The following RYR2 variants were observed in gnomAD, a reference collection of about 807,000 sequenced individuals.
The protein encoded by RYR2 is ryanodine receptor 2.
RYR2 carries 227 observed loss-of-function variants against 601.1 expected under a neutral mutation model. That is an observed-to-expected ratio of 0.38 (90% confidence interval 0.34 to 0.42). RYR2 has a LOEUF of 0.42. RYR2 is among the 10% of genes least tolerant of loss of function. RYR2 has a pLI of 1.00. For missense variants in RYR2, 4,646 were observed against 6,156.5 expected (o/e 0.75, Z 8.21); for synonymous variants, 2,223 against 2,175.1 (o/e 1.02, Z -0.61).
chr1:237,490,008 G>A (rs1471626206), intron 17 of RYR2, among the ~76,000 whole-genome samples: 2 of 152,158 alleles, frequency 1.3e-5, no homozygotes, highest in Non-Finnish European at 2.9e-5. Flanking sequence ...GCCATAATAA[G>A]ATTGACATCA....
chr1:237,642,398 A>C (rs979233794), intron 47 of RYR2, among the ~76,000 whole-genome samples: 1 of 152,212 alleles, frequency 6.6e-6, no homozygotes, highest in African/African-American at 2.4e-5. Context: ...GACTATTAAA[A>C]ATTTCTGTGC....
Position 237,792,124 on chromosome 1 carries a change from T to C in RYR2, c.13583T>C (p.Val4528Ala), listed in dbSNP as rs1451756883. 1 of 1,600,502 alleles carries C rather than the reference T, an allele frequency of 6.2e-7. No homozygotes were observed. Among genetic ancestry groups the C allele is most frequent in the East Asian group, 2.2e-5 (1 of 44,506 alleles). Residue 4528 changes from valine (V) to alanine (A), a missense_variant, in exon 94 of 105, where the codon GTT becomes GCT. Val to Ala is a moderately conservative substitution (Grantham distance 64, BLOSUM62 0). Around this residue, in one of 17 missense-constraint regions of RYR2, gnomAD observed 364 missense variants for 442.9 expected, o/e 0.82. Transcript: ENST00000366574. The stretch of plus-strand genomic sequence containing the variant: ...AATCAGGTCTCCACTTCTTCTGTGG[T>C]TGAAGGAAAGGAGCTCCCCACGAGA... ...LFYKVSTSSV[V>A]EGKELPTRSS...
At chr1:237,254,667 T>C (rs1029001822) in intron 1 of RYR2, among the ~76,000 whole-genome samples, 3 of 152,240 alleles carry the variant, frequency 2.0e-5, no homozygotes, top group African/African-American at 2.4e-5. Context: ...CAATCTGTTA[T>C]GTGTACTCTA....
At chr1:237,164,502 G>A (rs1676422117) in intron 1 of RYR2, among the ~76,000 whole-genome samples, 1 of 152,126 alleles carries the variant, frequency 6.6e-6, no homozygotes, top group Non-Finnish European at 1.5e-5. Context: ...GAGGGTGGTG[G>A]GGTTTAAGCA....
chr1:237,757,868 T>C lies in RYR2; in HGVS notation c.11325+92T>C, dbSNP rs139241998. ...TTGTTGTAAAATGTTTTATTTTCTA[T>C]GTACAATATGGCTCAATTTTAGTTT... On this transcript the variant is annotated intron_variant, in intron 82 of 104. Coordinates refer to ENST00000366574, the MANE Select transcript of RYR2 (RefSeq NM_001035.3). 1.7e-3 allele frequency: 1,407 copies of C among 808,164 alleles called. 11 individuals carry two copies. The African/African-American group carries it at 0.02, about 11-fold the overall frequency. The allele number at this position is 808,164 out of a possible 1,614,324, so 50.1% of individuals were successfully genotyped here. A position where few individuals can be genotyped will look rare whatever the true frequency, so the allele number is the denominator to read the frequency against.
At chr1:237,241,188 A>C (rs577907506) in intron 1 of RYR2, among the ~76,000 whole-genome samples, 9 of 152,222 alleles carry the variant, frequency 5.9e-5, no homozygotes, top group Non-Finnish European at 1.2e-4. Flanking sequence ...TCAGTTGGTC[A>C]TACTGTACCA....
chr1:237,496,114 G>A lies in RYR2; in HGVS notation c.1962-397G>A, dbSNP rs1159454103. Among the ~76,000 whole-genome samples, 3 of 152,136 alleles carry A rather than the reference G, an allele frequency of 2.0e-5. No homozygotes were observed. The East Asian group carries it at 5.8e-4, about 29-fold the overall frequency. On this transcript the variant is annotated intron_variant, in intron 19 of 104. Transcript: ENST00000366574. ...AGAAGCATGACTAATGTTTAAAATA[G>A]TGAGATGTGGCTGGGCACGGTGGCT...
At chr1:237,453,231 G>C (rs1281265646) in intron 14 of RYR2, among the ~76,000 whole-genome samples, 1 of 152,020 alleles carries the variant, frequency 6.6e-6, no homozygotes, top group Non-Finnish European at 1.5e-5. Flanking sequence ...TAAAACTTGG[G>C]GGTAGGTAGG....
intron 63 of RYR2, among the ~76,000 whole-genome samples, chr1:237,692,153 T>C (rs1686998272): frequency 6.6e-6 from 1 of 152,204 alleles, no homozygotes; most frequent in Non-Finnish European, 1.5e-5. Flanking sequence ...TCTTTTTACA[T>C]GTGAAAATAA....
chr1:237,521,712 T>G (rs961294767), intron 24 of RYR2, among the ~76,000 whole-genome samples: 2 of 150,400 alleles, frequency 1.3e-5, no homozygotes, highest in Non-Finnish European at 3.0e-5. Flanking sequence ...AGAGCGAGAC[T>G]CCATCTCAAA....
intron 1 of RYR2, among the ~76,000 whole-genome samples, chr1:237,107,346 C>A (rs562498947): frequency 2.2e-4 from 33 of 150,786 alleles, no homozygotes; most frequent in Non-Finnish European, 4.0e-4. Flanking sequence ...ACGGTGAAAC[C>A]CCGTCTCTAC....
intron 25 of RYR2, among the ~76,000 whole-genome samples, chr1:237,541,381 A>T (rs1183759537): frequency 6.6e-6 from 1 of 152,142 alleles, no homozygotes; most frequent in Non-Finnish European, 1.5e-5. Context: ...GTCTAGTCTC[A>T]CCTTTAAGTC....
chr1:237,607,413 G>A (rs1009604860), intron 35 of RYR2, among the ~76,000 whole-genome samples: 19 of 151,804 alleles, frequency 1.3e-4, no homozygotes, highest in Non-Finnish European at 2.1e-4. Flanking sequence ...ATCACACACC[G>A]GGGCCTGTTG....
intron 1 of RYR2, among the ~76,000 whole-genome samples, chr1:237,118,076 CTT>C (rs1490184881): frequency 1.3e-5 from 2 of 152,134 alleles, no homozygotes; most frequent in African/African-American, 4.8e-5. Flanking sequence ...AATTTTCAAA[CTT>C]TGTGGTTTTG....
intron 76 of RYR2, among the ~76,000 whole-genome samples, chr1:237,728,743 A>G (rs1352894214): frequency 1.4e-5 from 2 of 147,276 alleles, no homozygotes; most frequent in Non-Finnish European, 3.0e-5. Context: ...ATGAGAACAC[A>G]TGGATACAGG....
At chr1:237,733,531 C>A (rs1201535815) in intron 78 of RYR2, among the ~76,000 whole-genome samples, 174 bp from the exon 79 acceptor site, 1 of 152,152 alleles carries the variant, frequency 6.6e-6, no homozygotes, top group Non-Finnish European at 1.5e-5. Flanking sequence ...TCTTTGCTTT[C>A]TGATTTCAGG....
chr1:237,550,518 C>T (rs766097219), intron 26 of RYR2, 26 bp from the exon 27 acceptor site: 168 of 1,602,772 alleles, frequency 1.0e-4, no homozygotes, highest in Middle Eastern at 1.6e-4. Flanking sequence ...ATTGCTTTGA[C>T]GGCTGCACCC....
intron 1 of RYR2, among the ~76,000 whole-genome samples, chr1:237,253,350 G>C (rs1687660011): frequency 6.6e-6 from 1 of 152,164 alleles, no homozygotes. Context: ...TTCAGAACCT[G>C]GTTCTGATTT....
chr1:237,662,192 A>G (rs185747584), intron 56 of RYR2, among the ~76,000 whole-genome samples: 38 of 152,232 alleles, frequency 2.5e-4, no homozygotes, highest in African/African-American at 9.1e-4. Context: ...CATACTTTAC[A>G]TTCAATTGTC....
Sources: gnomAD v4.1 joint callset for allele counts (sites outside exome capture counted in the v4.1 genomes callset) on GRCh38, gnomAD v4.1.1 for gene constraint, gnomAD v4.1.1 regional missense constraint, MANE v1.5 for transcripts, NCBI Gene and HGNC (gene_info 2026-07-23, HGNC 2026-07-21) for gene names.